Variants in GPATCH2 observed in about 807,000 individuals in gnomAD.
GPATCH2 encodes the protein G-patch domain containing 2.
In GPATCH2, 51 loss-of-function variants were observed where a neutral mutation model predicts 58.0. The ratio of observed to expected loss-of-function variants is 0.88; its 90% CI spans 0.70 to 1.11. GPATCH2 has a LOEUF of 1.11. GPATCH2 is among the 50% of genes most tolerant of loss of function. The pLI, the probability that GPATCH2 is intolerant of heterozygous loss-of-function variation, is 0.00. For synonymous variants in GPATCH2, 222 were observed against 218.5 expected (o/e 1.02, Z -0.14); for missense variants, 625 against 652.2 (o/e 0.96, Z 0.45).
At position 217,603,268 on chromosome 1, in the gene GPATCH2, TA is replaced by T. The variant is rs552640892; in HGVS notation, c.1098+7052del. On this transcript the variant is annotated intron_variant, in intron 5 of 9. Transcript: ENST00000366935. Reference sequence around the variant, plus strand: ...GAAGCAAGAACCAATATTTTAAATATATGGAAAAATATGTTGTCAATTTTGG... The same window carrying T: ...GAAGCAAGAACCAATATTTTAAATATTGGAAAAATATGTTGTCAATTTTGG... 6.3e-3 allele frequency among the ~76,000 whole-genome samples: 965 copies of T among 152,254 alleles called. 10 individuals carry two copies. Among genetic ancestry groups the T allele is most frequent in the African/African-American group, 0.022 (917 of 41,568 alleles).
At chr1:217,447,970 C>T (rs1038921684) in intron 9 of GPATCH2, among the ~76,000 whole-genome samples, 7 of 151,854 alleles carry the variant, frequency 4.6e-5, no homozygotes, top group African/African-American at 1.2e-4. Flanking sequence ...TGGTGGTGGG[C>T]GCCCATAATC....
chr1:217,463,639 T>C (rs1374112421), intron 8 of GPATCH2, among the ~76,000 whole-genome samples: 2 of 39,984 alleles, frequency 5.0e-5, no homozygotes, highest in Non-Finnish European at 9.5e-5. Context: ...AACTTATCAC[T>C]CCAAAAAAAA....
intron 5 of GPATCH2, among the ~76,000 whole-genome samples, chr1:217,517,351 A>G (rs1466615859): frequency 6.6e-6 from 1 of 152,072 alleles, no homozygotes; most frequent in African/African-American, 2.4e-5. Context: ...TGATCTCTTC[A>G]GGGTCAATGT....
At chr1:217,518,463 T>C (rs1057128621) in intron 5 of GPATCH2, among the ~76,000 whole-genome samples, 1 of 152,196 alleles carries the variant, frequency 6.6e-6, no homozygotes, top group African/African-American at 2.4e-5. Context: ...ATTTTATAAT[T>C]TTGCTTAAAA....
chr1:217,539,321 T>C (rs1388196825), intron 5 of GPATCH2, among the ~76,000 whole-genome samples: 1 of 151,950 alleles, frequency 6.6e-6, no homozygotes, highest in Non-Finnish European at 1.5e-5. Context: ...CAAGGAAGAG[T>C]TTATATGATT....
intron 5 of GPATCH2, among the ~76,000 whole-genome samples, chr1:217,572,624 C>G (rs1378007555): frequency 6.6e-6 from 1 of 152,174 alleles, no homozygotes; most frequent in African/African-American, 2.4e-5. Context: ...AAAGTGAATA[C>G]ATTAAGAACC....
chr1:217,592,054 G>T (rs967781986), intron 5 of GPATCH2, among the ~76,000 whole-genome samples: 2 of 151,848 alleles, frequency 1.3e-5, no homozygotes, highest in Non-Finnish European at 2.9e-5. Flanking sequence ...ACTATTTTTT[G>T]ATGAACAAGA....
intron 5 of GPATCH2, among the ~76,000 whole-genome samples, chr1:217,551,227 T>C (rs1405818538): frequency 5.9e-5 from 9 of 152,034 alleles, no homozygotes. Context: ...TTGCTCTTTG[T>C]AGGCCTGCAC....
At chr1:217,434,575 T>A (rs1054790869) in intron 9 of GPATCH2, among the ~76,000 whole-genome samples, 1 of 152,238 alleles carries the variant, frequency 6.6e-6, no homozygotes, top group Admixed American at 6.5e-5. Flanking sequence ...CAGAGGTCTA[T>A]TGCTGCTCTG....
chr1:217,520,996 C>T lies in GPATCH2; in HGVS notation c.1099-6107G>A, dbSNP rs182189115. On this transcript the variant is annotated intron_variant, in intron 5 of 9. Coordinates refer to ENST00000366935, the MANE Select transcript of GPATCH2 (RefSeq NM_018040.5). ...AGCAGCTAGGACTACAGGTGTGTAC[C>T]ACCATGCCCAGTTACTTCTTAAAAG... Among the ~76,000 whole-genome samples, 363 of 152,240 alleles carry T rather than the reference C, an allele frequency of 2.4e-3. 2 individuals carry two copies. The highest frequency in any genetic ancestry group is 7.6e-3 in the African/African-American group (315 of 41,548).
intron 8 of GPATCH2, among the ~76,000 whole-genome samples, chr1:217,464,627 G>A (rs146399799): frequency 1.3e-5 from 2 of 152,128 alleles, no homozygotes; most frequent in Admixed American, 6.5e-5. Flanking sequence ...AAGTAGAAGC[G>A]AACTGGAGCA....
chr1:217,502,117 C>T (rs1017896200), intron 6 of GPATCH2, among the ~76,000 whole-genome samples: 1 of 152,066 alleles, frequency 6.6e-6, no homozygotes, highest in Admixed American at 6.6e-5. Flanking sequence ...GTCCTGAATA[C>T]TGTAGCTATA....
At chr1:217,500,750 G>GT (rs1164398216) in intron 6 of GPATCH2, among the ~76,000 whole-genome samples, 4 of 151,300 alleles carry the variant, frequency 2.6e-5, no homozygotes, top group Admixed American at 1.3e-4. Flanking sequence ...ATTAGTTTTT[G>GT]TTTTTTTTCT....
At chr1:217,611,125 T>C in intron 3 of GPATCH2, 54 bp from the exon 4 acceptor site, 1 of 1,481,158 alleles carries the variant, frequency 6.8e-7, no homozygotes, top group East Asian at 2.3e-5. Flanking sequence ...TATCATCCAG[T>C]TACACAATTA....
intron 5 of GPATCH2, among the ~76,000 whole-genome samples, chr1:217,596,337 G>A (rs1032605483): frequency 6.6e-6 from 1 of 152,124 alleles, no homozygotes; most frequent in Non-Finnish European, 1.5e-5. Context: ...ACCCTTACAA[G>A]GAATTCTGTA....
At chr1:217,581,008 T>A (rs1667054657) in intron 5 of GPATCH2, among the ~76,000 whole-genome samples, 1 of 27,890 alleles carries the variant, frequency 3.6e-5, no homozygotes, top group African/African-American at 1.2e-4. Context: ...AGAGCGAGAC[T>A]CCGTCTCAAA....
intron 8 of GPATCH2, among the ~76,000 whole-genome samples, chr1:217,455,759 A>C (rs762490566): frequency 2.0e-5 from 3 of 152,012 alleles, no homozygotes; most frequent in Non-Finnish European, 4.4e-5. Context: ...AAATGAGAAT[A>C]GGCATTCCTG....
intron 8 of GPATCH2, among the ~76,000 whole-genome samples, chr1:217,482,441 G>A (rs1020865837): frequency 6.6e-6 from 1 of 152,092 alleles, no homozygotes; most frequent in South Asian, 2.1e-4. Context: ...AGCCATATGG[G>A]TACTTGTAGA....
intron 5 of GPATCH2, among the ~76,000 whole-genome samples, chr1:217,516,522 T>C (rs1663160770): frequency 6.6e-6 from 1 of 152,200 alleles, no homozygotes; most frequent in Admixed American, 6.5e-5. Flanking sequence ...AATGAGGTTT[T>C]CATGCTATTC....
Sources: allele counts gnomAD v4.1 joint callset (sites outside exome capture counted in the v4.1 genomes callset), GRCh38; gene constraint gnomAD v4.1.1; transcripts MANE v1.5; gene names NCBI Gene and HGNC (gene_info 2026-07-23, HGNC 2026-07-21).